The following CREB3L1 variants were observed in gnomAD, a reference collection of about 807,000 sequenced individuals.
CREB3L1 encodes the protein cAMP responsive element binding protein 3 like 1.
A neutral mutation model predicts 54.5 loss-of-function variants in CREB3L1; 33 were observed. That is an observed-to-expected ratio of 0.61 (90% CI 0.46 to 0.81). The LOEUF is 0.81. Among genes scored for constraint, CREB3L1 ranks in the 30% least tolerant of loss-of-function variants. The pLI is 0.00. For missense variants in CREB3L1, 656 were observed against 673.3 expected (o/e 0.97, Z 0.29); for synonymous variants, 284 against 286.4 (o/e 0.99, Z 0.08).
intron 2 of CREB3L1, among the ~76,000 whole-genome samples, chr11:46,302,022 G>C (rs977558591): frequency 2.0e-5 from 3 of 151,492 alleles, no homozygotes; most frequent in African/African-American, 7.3e-5. Flanking sequence ...AAATAAATTA[G>C]CCGGGCATGG....
At chr11:46,304,239 G>A (rs1428674006) in intron 2 of CREB3L1, among the ~76,000 whole-genome samples, 2 of 152,174 alleles carry the variant, frequency 1.3e-5, no homozygotes, top group East Asian at 3.8e-4. Context: ...TTGGTAGGCC[G>A]AGGAGGGTGG....
intron 8 of CREB3L1, chr11:46,315,978 GT>G: frequency 3.3e-6 from 1 of 302,948 alleles, no homozygotes; most frequent in Non-Finnish European, 6.2e-6. Context: ...GCAGGTGTCG[GT>G]TAAGCAAAAG....
At chr11:46,296,514 C>T (rs1209104876) in intron 1 of CREB3L1, among the ~76,000 whole-genome samples, 1 of 152,176 alleles carries the variant, frequency 6.6e-6, no homozygotes, top group Non-Finnish European at 1.5e-5. Flanking sequence ...AGCTTTCTCC[C>T]GTCCCTTCTG....
chr11:46,301,133 C>T (rs1220920208), intron 2 of CREB3L1, among the ~76,000 whole-genome samples: 1 of 149,754 alleles, frequency 6.7e-6, no homozygotes, highest in African/African-American at 2.5e-5. Context: ...TGAGCCATTG[C>T]ACTCCAGCCT....
In CREB3L1 at chr11:46,278,312, G is replaced by C. The variant is rs1938910597; in HGVS notation, c.102+99G>C. On this transcript the variant is annotated intron_variant, in intron 1 of 11. Coordinates refer to ENST00000621158, the MANE Select transcript of CREB3L1 (RefSeq NM_052854.4). This position sits in a 1 kb window ranked among gnomAD's most constrained non-coding sequence, Gnocchi z 4.2. ...GACCCGACTACACATCACTGGGCAG[G>C]AGCCGGGGAGAGGGTTCAGCGCAGG... 20 of 674,830 alleles carry C rather than the reference G, an allele frequency of 3.0e-5. No individual in the cohort carries two copies. The South Asian group carries it at 3.7e-4, about 13-fold the overall frequency. 41.8% of individuals were successfully genotyped at this position (674,830 alleles called of 1,614,324 possible).
At chr11:46,282,881 T>C (rs557085650) in intron 1 of CREB3L1, among the ~76,000 whole-genome samples, 2 of 152,314 alleles carry the variant, frequency 1.3e-5, no homozygotes, top group Admixed American at 6.5e-5. Flanking sequence ...GCAATAAATA[T>C]GCCCAGTCAA....
At chr11:46,315,346 G>T (rs538154483) in intron 8 of CREB3L1, 550 of 216,488 alleles carry the variant, frequency 2.5e-3, no homozygotes, top group South Asian at 0.014. Context: ...CAACCCCTAC[G>T]TGCCCGTTTG....
At chr11:46,315,597 C>T (rs1939555896) in intron 8 of CREB3L1, 3 of 186,002 alleles carry the variant, frequency 1.6e-5, no homozygotes, top group East Asian at 8.6e-5. Flanking sequence ...TTTGGGAGGC[C>T]GAAGCGGGTG....
At chr11:46,298,783 C>G (rs554107578) in intron 1 of CREB3L1, among the ~76,000 whole-genome samples, 2 of 152,218 alleles carry the variant, frequency 1.3e-5, no homozygotes, top group Admixed American at 1.3e-4. Flanking sequence ...AAGAACCTAC[C>G]ATATGTCAGC....
Position 46,311,154 on chromosome 11 carries a change from G to A in CREB3L1, c.718G>A (p.Ala240Thr). ...PVRPMARSSTAISTSPLLTAP... is the reference protein window; with the variant it reads ...PVRPMARSSTTISTSPLLTAP... ...CAGGCCCATGGCGCGCTCCTCCACG[G>A]CCATCTCCACCTCCCCACTCCTCAC... Residue 240 changes from alanine to threonine, a missense_variant, in exon 5 of 12, where the codon GCC (alanine) becomes ACC (threonine). Ala to Thr is a moderately conservative substitution (Grantham distance 58). Around this residue, in one of 3 missense-constraint regions of CREB3L1, gnomAD observed 339 missense variants for 331.5 expected, o/e 1.02. Transcript: ENST00000621158. 1 of 1,600,348 alleles carries A rather than the reference G, an allele frequency of 6.2e-7. No individual in the cohort carries two copies. The highest frequency in any genetic ancestry group is 8.5e-7 in the Non-Finnish European group (1 of 1,177,280).
intron 3 of CREB3L1, among the ~76,000 whole-genome samples, 158 bp downstream of exon 3, chr11:46,308,158 G>A (rs553782393): frequency 4.2e-5 from 6 of 144,344 alleles, no homozygotes; most frequent in Admixed American, 6.8e-5. Context: ...CCAGGCCTCC[G>A]CCTACCCCCC....
intron 1 of CREB3L1, among the ~76,000 whole-genome samples, chr11:46,283,498 T>A (rs555155137): frequency 6.6e-6 from 1 of 152,268 alleles, no homozygotes; most frequent in Admixed American, 6.5e-5. Context: ...TGTAGTGAAC[T>A]TTGCTCTATT....
chr11:46,312,997 A>C (rs1191562935), intron 8 of CREB3L1, 78 bp downstream of exon 8: 1 of 1,104,990 alleles, frequency 9.0e-7, no homozygotes, highest in Non-Finnish European at 1.3e-6. Context: ...GCTCTGGGAG[A>C]CAGGGGAGAG....
chr11:46,283,709 G>A (rs754139512), intron 1 of CREB3L1, among the ~76,000 whole-genome samples: 15 of 151,958 alleles, frequency 9.9e-5, no homozygotes, highest in African/African-American at 2.9e-4. Flanking sequence ...GAAAGACTCC[G>A]TCTCTACAAA....
At position 46,312,698 on chromosome 11, in the gene CREB3L1, C is replaced by A. The variant is rs755708719; in HGVS notation, c.962+28C>A. On this transcript the variant is annotated intron_variant, in intron 7 of 11. Coordinates refer to ENST00000621158, the MANE Select transcript of CREB3L1 (RefSeq NM_052854.4). Reference sequence around the variant, plus strand: ...AAGGGGCTTGGGAGGGGTGGGCAATCCACTCCCTTGCCTGACCTGCCCTCC... The same window carrying A: ...AAGGGGCTTGGGAGGGGTGGGCAATACACTCCCTTGCCTGACCTGCCCTCC... 7.0e-5 allele frequency: 111 copies of A among 1,595,716 alleles called. 1 individual carries two copies. The South Asian group carries it at 1.2e-3, about 17-fold the overall frequency.
At chr11:46,317,624 T>C in intron 10 of CREB3L1, 137 bp downstream of exon 10, 2 of 1,119,308 alleles carry the variant, frequency 1.8e-6, no homozygotes, top group Non-Finnish European at 2.5e-6. Context: ...ATTTTCCAGA[T>C]GGGGAAACCG....
intron 1 of CREB3L1, among the ~76,000 whole-genome samples, chr11:46,282,244 C>T (rs559311545): frequency 5.4e-4 from 82 of 152,258 alleles, no homozygotes; most frequent in African/African-American, 1.8e-3. Flanking sequence ...TTGCAGCCAT[C>T]GAGGTCCTGC....
chr11:46,312,791 C>T (rs1412973878), intron 7 of CREB3L1, 60 bp from the exon 8 acceptor site: 77 of 1,549,060 alleles, frequency 5.0e-5, no homozygotes, highest in Non-Finnish European at 6.0e-5. Context: ...TGGGCTGGGC[C>T]GAGGAGCTGT....
rs1939273126 is a variant in CREB3L1, at chr11:46,300,081, G to A, written c.249G>A (p.Gln83=). The A allele has an allele frequency of 4.3e-6, 7 of 1,613,954 alleles. No homozygotes were observed. Among genetic ancestry groups the A allele is most frequent in the South Asian group, 1.1e-5 (1 of 91,076 alleles). The change falls in exon 2 of 12, where the codon CAG becomes CAA. Residue 83 remains glutamine (Q), a synonymous_variant. Transcript: ENST00000621158. ...TGGACTCCCCTACGCCAGGCATCCA[G>A]GCGGAGCACAGCTACTCCCTGAGCG... ...MELDSPTPGI[Q]AEHSYSLSGD...
Sources: allele counts gnomAD v4.1 joint callset (sites outside exome capture counted in the v4.1 genomes callset), GRCh38; gene constraint gnomAD v4.1.1; regional missense constraint gnomAD v4.1.1; non-coding constraint Gnocchi (gnomAD v3.1); transcripts MANE v1.5; gene names NCBI Gene and HGNC (gene_info 2026-07-23, HGNC 2026-07-21).